METTL16: variants seen among roughly 807,000 people sequenced by gnomAD.
METTL16 encodes the protein RNA N(6)-adenosine-methyltransferase METTL16.
In METTL16, 19 loss-of-function variants were observed where a neutral mutation model predicts 57.9. The observed-to-expected ratio is 0.33, with a 90% CI of 0.23 to 0.48. The LOEUF (loss-of-function observed/expected upper bound fraction) is 0.48. METTL16 is among the 20% of genes least tolerant of loss of function. The pLI is 0.99. For missense variants in METTL16, 434 were observed against 691.5 expected (o/e 0.63, Z 4.18); for synonymous variants, 246 against 255.6 (o/e 0.96, Z 0.36).
chr17:2,495,524 G>A lies in METTL16; in HGVS notation c.128+6680C>T, dbSNP rs145140771. On this transcript the variant is annotated intron_variant, in intron 2 of 9. Transcript: ENST00000263092. ...AGCCTGGCTAACATGGTGAAACACT[G>A]TCTCTACTAAAAATACAAAAATTAG... Among the ~76,000 whole-genome samples the A allele has an allele frequency of 5.3e-3, 796 of 151,526 alleles. 2 individuals are homozygous for A. Among genetic ancestry groups the A allele is most frequent in the African/African-American group, 0.018 (759 of 41,294 alleles).
At chr17:2,432,472 CA>C (rs1597440646) in intron 8 of METTL16, among the ~76,000 whole-genome samples, 2 of 151,860 alleles carry the variant, frequency 1.3e-5, no homozygotes, top group African/African-American at 4.8e-5. Context: ...GGGAGGCTGA[CA>C]GGGGAGGATC....
Position 2,492,914 on chromosome 17 carries a change from A to C in METTL16, c.128+9290T>G, listed in dbSNP as rs796210285. On this transcript the variant is annotated intron_variant, in intron 2 of 9. Coordinates refer to ENST00000263092, the MANE Select transcript of METTL16 (RefSeq NM_024086.4). ...CTCCGTCTCAAAAAAAAAAAAAAAA[A>C]AACAACAAAAAAAACACAGCTGGAA... 1.6e-4 allele frequency among the ~76,000 whole-genome samples: 23 copies of C among 143,648 alleles called. No individual in the cohort carries two copies. In the South Asian group the frequency reaches 1.9e-3, roughly 12 times the overall value. The allele number at this position is 143,648 out of a possible 152,430, so 94.2% of individuals were successfully genotyped here.
At chr17:2,484,921 T>A (rs1483045588) in intron 2 of METTL16, among the ~76,000 whole-genome samples, 1 of 152,164 alleles carries the variant, frequency 6.6e-6, no homozygotes, top group Non-Finnish European at 1.5e-5. Flanking sequence ...AAGATTAATA[T>A]GGGCAATAAA....
intron 8 of METTL16, among the ~76,000 whole-genome samples, chr17:2,424,903 G>A (rs1403185929): frequency 2.0e-5 from 3 of 151,538 alleles, no homozygotes; most frequent in Admixed American, 6.6e-5. Flanking sequence ...AGCAGAGATC[G>A]CGCCACTGCA....
At chr17:2,448,766 T>TAAAAAAAAAAAAAAAAAAAAA (rs1567889867) in intron 6 of METTL16, among the ~76,000 whole-genome samples, 1 of 37,244 alleles carries the variant, frequency 2.7e-5, no homozygotes, top group Non-Finnish European at 5.6e-5. Flanking sequence ...ATAAAAAAAA[T>TAAAAAAAAAAAAAAAAAAAAA]AAAAAATAAA....
rs567222024 is a variant in METTL16, at chr17:2,491,830, G to A, written c.128+10374C>T. 2.0e-3 allele frequency among the ~76,000 whole-genome samples: 276 copies of A among 140,552 alleles called. 2 individuals are homozygous for A. Among genetic ancestry groups the A allele is most frequent in the African/African-American group, 6.2e-3 (226 of 36,400 alleles). The allele number at this position is 140,552 out of a possible 152,430, so 92.2% of individuals were successfully genotyped here. A position where few individuals can be genotyped will look rare whatever the true frequency, so the allele number is the denominator to read the frequency against. On this transcript the variant is annotated intron_variant, in intron 2 of 9. Coordinates refer to ENST00000263092, the MANE Select transcript of METTL16 (RefSeq NM_024086.4). ...GCAGAGCTTGCAGTGAGCCGAGATCGCGCCACTGCACTCCAGCCTGGGCGA... is the reference window on the plus strand; with the variant it reads ...GCAGAGCTTGCAGTGAGCCGAGATCACGCCACTGCACTCCAGCCTGGGCGA...
chr17:2,458,226 T>C (rs1406646458), intron 6 of METTL16, among the ~76,000 whole-genome samples: 1 of 152,058 alleles, frequency 6.6e-6, no homozygotes, highest in Non-Finnish European at 1.5e-5. Context: ...ATAGGTGGAT[T>C]ATATCCAAAT....
At chr17:2,508,276 T>G (rs1348732713) in intron 1 of METTL16, among the ~76,000 whole-genome samples, 2 of 152,202 alleles carry the variant, frequency 1.3e-5, no homozygotes, top group Non-Finnish European at 2.9e-5. Flanking sequence ...ACACTGGAAA[T>G]TAAACCAATT....
chr17:2,479,234 A>G (rs764018208), intron 2 of METTL16, among the ~76,000 whole-genome samples: 17 of 151,414 alleles, frequency 1.1e-4, no homozygotes, highest in Non-Finnish European at 2.1e-4. Context: ...CGGTGTGATC[A>G]TGGCTCACTG....
intron 6 of METTL16, among the ~76,000 whole-genome samples, chr17:2,446,792 G>A (rs151074810): frequency 0.14 from 21,789 of 151,952 alleles, 1,945 homozygotes; most frequent in Non-Finnish European, 0.19. Flanking sequence ...TGTGTTGGCC[G>A]GGCTGGTCTC....
chr17:2,447,113 C>T (rs2151553429), intron 6 of METTL16, among the ~76,000 whole-genome samples: 1 of 142,864 alleles, frequency 7.0e-6, no homozygotes. Flanking sequence ...TCTGCCCGGC[C>T]GCCGTCCCAT....
chr17:2,441,623 T>A (rs937239375), intron 6 of METTL16, 64 bp from the exon 7 acceptor site: 2 of 1,047,122 alleles, frequency 1.9e-6, no homozygotes, highest in African/African-American at 1.6e-5. Context: ...AACTAAGCAT[T>A]ATTCAAGTGA....
intron 8 of METTL16, among the ~76,000 whole-genome samples, chr17:2,434,586 C>A (rs1255745194): frequency 6.6e-6 from 1 of 152,220 alleles, no homozygotes; most frequent in African/African-American, 2.4e-5. Context: ...CAGATGAGCT[C>A]TTTAAAATGA....
At chr17:2,474,387 A>AAAAAAAAAG (rs2067255746) in intron 3 of METTL16, among the ~76,000 whole-genome samples, 61 of 106,174 alleles carry the variant, frequency 5.7e-4, no homozygotes, top group African/African-American at 5.2e-4. Flanking sequence ...AAACAAAAAG[A>AAAAAAAAAG]AAAAAAAAAA....
rs998800424 is a variant in METTL16 at position 2,505,733 on chromosome 17, T to G, written c.1-3402A>C. 2.0e-5 allele frequency among the ~76,000 whole-genome samples: 3 copies of G among 152,158 alleles called. No individual in the cohort carries two copies. The East Asian group carries it at 5.8e-4, about 29-fold the overall frequency. On this transcript the variant is annotated intron_variant, in intron 1 of 9. Coordinates refer to ENST00000263092, the MANE Select transcript of METTL16 (RefSeq NM_024086.4). ...TTGGTCTCCCTGCATCCACTCTTGT[T>G]CTCACCATCCCTCCTTCCACCTCGT...
chr17:2,452,664 A>G (rs2067079620), intron 6 of METTL16, among the ~76,000 whole-genome samples: 1 of 152,166 alleles, frequency 6.6e-6, no homozygotes, highest in Non-Finnish European at 1.5e-5. Context: ...CTTTCAGAAG[A>G]GTTGCAGGAT....
intron 2 of METTL16, among the ~76,000 whole-genome samples, chr17:2,498,776 A>G (rs2067465236): frequency 6.6e-6 from 1 of 151,546 alleles, no homozygotes; most frequent in African/African-American, 2.4e-5. Flanking sequence ...GAGGATGGGG[A>G]TGGGCAAGGC....
In METTL16 at chr17:2,419,973, G is replaced by C. The variant is rs1433480211; in HGVS notation, c.1686C>G (p.Asn562Lys). The C allele has an allele frequency of 1.9e-6, 3 of 1,614,082 alleles. No individual in the cohort carries two copies. Among genetic ancestry groups the C allele is most frequent in the South Asian group, 1.1e-5 (1 of 91,072 alleles). ...TTTCCAACTGTGCAGGAGGTTTCTA[G>C]TTAACTGCAACAAGCCTGAAAATTT... is the stretch of plus-strand genomic sequence containing the variant. ...RNQIFRLVAV[N>K] The change falls in exon 10 of 10, where the codon AAC becomes AAG. Residue 562 changes from asparagine (N) to lysine (K), a missense_variant. Physicochemically the swap from Asn to Lys is moderately conservative, Grantham distance 94 (BLOSUM62 0). Around this residue, in one of 5 missense-constraint regions of METTL16, gnomAD observed 26 missense variants for 60.7 expected, o/e 0.43. Coordinates refer to ENST00000263092, the MANE Select transcript of METTL16 (RefSeq NM_024086.4).
chr17:2,482,120 C>A (rs7222158), intron 2 of METTL16, among the ~76,000 whole-genome samples: 1 of 151,988 alleles, frequency 6.6e-6, no homozygotes, highest in South Asian at 2.1e-4. Context: ...AGAGTTTTCA[C>A]GAGCTCTTTG....
Sources: gnomAD v4.1 joint callset for allele counts (sites outside exome capture counted in the v4.1 genomes callset) on GRCh38, gnomAD v4.1.1 for gene constraint, gnomAD v4.1.1 regional missense constraint, MANE v1.5 for transcripts, NCBI Gene and HGNC (gene_info 2026-07-23, HGNC 2026-07-21) for gene names.